Variants in P2RY10 observed in about 807,000 individuals in gnomAD.
The protein encoded by P2RY10 is putative P2Y purinoceptor 10.
A neutral mutation model predicts 12.1 loss-of-function variants in P2RY10; 4 were observed. The ratio of observed to expected loss-of-function variants is 0.33; its 90% CI spans 0.16 to 0.76. The LOEUF is 0.76. Ranked by LOEUF, P2RY10 falls within the 30% of genes least tolerant of loss-of-function variation. P2RY10 has a pLI of 0.61. For missense variants in P2RY10, 233 were observed against 264.6 expected, an observed-to-expected ratio of 0.88 and a Z score of 0.83; for synonymous variants, 112 against 94.1, an observed-to-expected ratio of 1.19 and a Z score of -1.10.
intron 2 of P2RY10, among the ~76,000 whole-genome samples, chrX:78,951,741 G>T (rs1340681977): frequency 2.7e-5 from 3 of 111,413 alleles, no homozygotes; most frequent in East Asian, 2.8e-4. Flanking sequence ...TTTGATTTTT[G>T]TTTTTTTGCC....
chrX:78,954,136 G>A (rs1922230126), intron 3 of P2RY10, among the ~76,000 whole-genome samples: 1 of 111,968 alleles, frequency 8.9e-6, no homozygotes, highest in African/African-American at 3.3e-5. Context: ...GCATCCCAAT[G>A]TGCTGGGTTT....
At chrX:78,949,902 G>T (rs926699555) in intron 2 of P2RY10, among the ~76,000 whole-genome samples, 3 of 111,511 alleles carry the variant, frequency 2.7e-5, no homozygotes, top group African/African-American at 9.8e-5. Context: ...GATCAGATTG[G>T]CTTGGATAAT....
At chrX:78,952,380 G>A in intron 3 of P2RY10, 45 bp downstream of exon 3, 1 of 698,418 alleles carries the variant, frequency 1.4e-6, no homozygotes, top group Non-Finnish European at 1.7e-6. Flanking sequence ...TGGAGGCACT[G>A]GGAATTCTAT....
Position 78,961,153 on chromosome X carries a change from G to A in P2RY10, c.633G>A (p.Val211=), listed in dbSNP as rs754774115. 8 of 1,211,168 alleles carry A rather than the reference G, an allele frequency of 6.6e-6. No homozygotes were observed. In the East Asian group the frequency reaches 2.4e-4, roughly 36 times the overall value. Residue 211 remains valine, a synonymous_variant, in exon 4 of 4, where the codon GTG becomes GTA. Coordinates refer to ENST00000171757, the MANE Select transcript of P2RY10 (RefSeq NM_014499.4). ...VAELAGFVIP[V]IIIAWCTWKT... ...AGCTTGCAGGATTTGTGATCCCAGT[G>A]ATCATCATCGCATGGTGTACCTGGA... is the stretch of plus-strand genomic sequence containing the variant.
intron 3 of P2RY10, among the ~76,000 whole-genome samples, chrX:78,953,965 A>C (rs961220631): frequency 1.8e-5 from 2 of 112,084 alleles, no homozygotes; most frequent in Non-Finnish European, 3.8e-5. Context: ...CCCCGGCTCA[A>C]GCGATCCTCC....
chrX:78,961,184 A>G lies in P2RY10; in HGVS notation c.664A>G (p.Thr222Ala), dbSNP rs376153646. 1.7e-5 allele frequency: 21 copies of G among 1,208,659 alleles called. No homozygotes were observed. The highest frequency in any genetic ancestry group is 2.2e-5 in the Non-Finnish European group (20 of 894,015). ...IIIAWCTWKT[T>A]ISLRQPPMAF... Reference sequence around the variant, plus strand: ...CATCGCATGGTGTACCTGGAAAACTACTATATCCTTGAGACAGCCACCAAT... The same window carrying G: ...CATCGCATGGTGTACCTGGAAAACTGCTATATCCTTGAGACAGCCACCAAT... The change falls in exon 4 of 4, where the codon ACT (threonine) becomes GCT (alanine). Residue 222 changes from threonine (T) to alanine (A), a missense_variant. Coordinates refer to ENST00000171757, the MANE Select transcript of P2RY10 (RefSeq NM_014499.4).
chrX:78,951,741 GT>G (rs1199092205), intron 2 of P2RY10, among the ~76,000 whole-genome samples: 1 of 111,412 alleles, frequency 9.0e-6, no homozygotes, highest in African/African-American at 3.3e-5. Context: ...TTTGATTTTT[GT>G]TTTTTTGCCC....
At chrX:78,958,990 G>A (rs1283609629) in intron 3 of P2RY10, among the ~76,000 whole-genome samples, 1 of 111,073 alleles carries the variant, frequency 9.0e-6, no homozygotes, top group Non-Finnish European at 1.9e-5. Flanking sequence ...CTACTCATGA[G>A]GAGAATCTAA....
At position 78,959,359 on chromosome X, in the gene P2RY10, G is replaced by A. The variant is rs1187101753; in HGVS notation, c.-13-1149G>A. Among the ~76,000 whole-genome samples, 4 of 110,809 alleles carry A rather than the reference G, an allele frequency of 3.6e-5. No individual in the cohort carries two copies. In the Admixed American group the frequency reaches 3.8e-4, roughly 11 times the overall value. ...AGAGTGAATTTGATGATTTCCAAAG[G>A]TCCTTCCCAGTCTGAAATTCTACAA... On this transcript the variant is annotated intron_variant, in intron 3 of 3. Transcript: ENST00000171757.
intron 3 of P2RY10, among the ~76,000 whole-genome samples, chrX:78,955,394 T>A (rs1193856990): frequency 8.9e-5 from 10 of 112,462 alleles, no homozygotes; most frequent in Admixed American, 2.8e-4. Flanking sequence ...GAATGAAGAC[T>A]CAATTTCCCA....
chrX:78,946,774 C>G (rs1921855354), intron 1 of P2RY10, among the ~76,000 whole-genome samples: 1 of 112,286 alleles, frequency 8.9e-6, no homozygotes, highest in Admixed American at 9.4e-5. Context: ...AACACAGATT[C>G]TTTGGCCAAA....
intron 3 of P2RY10, among the ~76,000 whole-genome samples, chrX:78,957,208 C>T (rs1455553470): frequency 9.1e-6 from 1 of 109,532 alleles, no homozygotes; most frequent in Non-Finnish European, 1.9e-5. Context: ...AGCACAGATT[C>T]AGGAATGAAT....
In P2RY10 at chrX:78,948,036, C is replaced by T. The variant is rs762189219; in HGVS notation, c.-157+173C>T. Among the ~76,000 whole-genome samples, 12 of 111,976 alleles carry T rather than the reference C, an allele frequency of 1.1e-4. No homozygotes were observed. In the East Asian group the frequency reaches 2.2e-3, roughly 21 times the overall value. On this transcript the variant is annotated intron_variant, in intron 2 of 3. Transcript: ENST00000171757. The stretch of plus-strand genomic sequence containing the variant: ...CACTACAAGGTTACTGTGAACTTGC[C>T]TTCCTAGGGACCAGACCCTGGACTT...
chrX:78,956,491 G>T (rs1249305120), intron 3 of P2RY10, among the ~76,000 whole-genome samples: 3 of 111,331 alleles, frequency 2.7e-5, no homozygotes, highest in Non-Finnish European at 5.7e-5. Flanking sequence ...TACTAGGCTA[G>T]GTCCTGGCTA....
chrX:78,949,360 ATTTTCAGACACAT>A (rs1463852323), intron 2 of P2RY10, among the ~76,000 whole-genome samples: 9 of 111,910 alleles, frequency 8.0e-5, no homozygotes, highest in Admixed American at 6.7e-4. Flanking sequence ...TCGGATTATT[ATTTTCAGACACAT>A]TTTTCTTTAA....
rs1922138937 is a variant in P2RY10, at chrX:78,952,245, C to A, written c.-104C>A. The A allele has an allele frequency of 2.8e-5, 21 of 746,661 alleles. No individual in the cohort carries two copies. Among genetic ancestry groups the A allele is most frequent in the Non-Finnish European group, 3.2e-5 (20 of 632,444 alleles). The allele number at this position is 746,661 out of a possible 1,213,427, so 61.5% of individuals were successfully genotyped here. A position where few individuals can be genotyped will look rare whatever the true frequency, so the allele number is the denominator to read the frequency against. On this transcript the variant is annotated 5_prime_UTR_variant, in exon 3 of 4. The change creates a premature stop within an existing upstream ORF in the 5' untranslated region. Transcript: ENST00000171757. Reference sequence around the variant, plus strand: ...TCAGGATTTGGCACTCACCAACATACCCTTCTTTCAAGTGAAAAGGCATCT... The same window carrying A: ...TCAGGATTTGGCACTCACCAACATAACCTTCTTTCAAGTGAAAAGGCATCT...
chrX:78,958,018 A>G (rs1316444917), intron 3 of P2RY10, among the ~76,000 whole-genome samples: 2 of 112,494 alleles, frequency 1.8e-5, no homozygotes, highest in African/African-American at 3.2e-5. Flanking sequence ...GCACTGATGG[A>G]TCTTTCTTTG....
chrX:78,946,600 G>A (rs1342250419), intron 1 of P2RY10, among the ~76,000 whole-genome samples: 1 of 112,197 alleles, frequency 8.9e-6, no homozygotes, highest in East Asian at 2.8e-4. Context: ...TCATTATGAT[G>A]TATATTAATT....
chrX:78,955,501 T>C (rs1305903776), intron 3 of P2RY10, among the ~76,000 whole-genome samples: 1 of 112,334 alleles, frequency 8.9e-6, no homozygotes, highest in Non-Finnish European at 1.9e-5. Flanking sequence ...GACAAGTTAT[T>C]GGAGAAAGGA....
Sources: allele counts gnomAD v4.1 joint callset (sites outside exome capture counted in the v4.1 genomes callset), GRCh38; gene constraint gnomAD v4.1.1; transcripts MANE v1.5; gene names NCBI Gene and HGNC (gene_info 2026-07-23, HGNC 2026-07-21).